Variants in PRR14L observed in about 807,000 individuals in gnomAD.
PRR14L encodes the protein protein PRR14L.
Under a neutral mutation model 155.0 loss-of-function variants are expected in PRR14L, and 80 were observed. The ratio of observed to expected loss-of-function variants is 0.52; its 90% CI spans 0.43 to 0.62. The LOEUF is 0.62. Among genes scored for constraint, PRR14L ranks in the 20% least tolerant of loss-of-function variants. PRR14L has a pLI of 0.00. For missense variants in PRR14L, 2,469 were observed against 2,548.0 expected, an observed-to-expected ratio of 0.97 and a Z score of 0.67; for synonymous variants, 883 against 916.0, an observed-to-expected ratio of 0.96 and a Z score of 0.65.
chr22:31,738,594 A>G lies in PRR14L; in HGVS notation c.267T>C (p.Pro89=). Residue 89 remains proline (P), a synonymous_variant, in exon 2 of 9, where the codon CCT becomes CCC. Coordinates refer to ENST00000327423, the MANE Select transcript of PRR14L (RefSeq NM_173566.3). Reference sequence around the variant, plus strand: ...TGGAGTCCACTAGCCCACATCGCCCAGGCTCACTCCCATGATCCAAGGTCT... The same window carrying G: ...TGGAGTCCACTAGCCCACATCGCCCGGGCTCACTCCCATGATCCAAGGTCT... ...TYETLDHGSE[P]GRCGLVDSTA... 6.4e-7 allele frequency: 1 copy of G among 1,552,040 alleles called. No individual in the cohort carries two copies. Among genetic ancestry groups the G allele is most frequent in the Admixed American group, 2.0e-5 (1 of 50,984 alleles).
chr22:31,697,799 G>GAA (rs1030760361), intron 7 of PRR14L, among the ~76,000 whole-genome samples: 86 of 152,268 alleles, frequency 5.6e-4, no homozygotes, highest in Admixed American at 1.0e-3. Flanking sequence ...CCAGGAAGTT[G>GAA]AAGTTGAAGC....
chr22:31,701,334 T>C (rs2074562271), intron 7 of PRR14L, among the ~76,000 whole-genome samples: 1 of 152,172 alleles, frequency 6.6e-6, no homozygotes, highest in South Asian at 2.1e-4. Context: ...TTTAGGTCCT[T>C]TTCCAGTTTA....
intron 1 of PRR14L, among the ~76,000 whole-genome samples, chr22:31,741,204 G>A (rs1021658681): frequency 7.4e-6 from 1 of 134,554 alleles, no homozygotes; most frequent in Non-Finnish European, 1.5e-5. Flanking sequence ...AGTGAGCCGA[G>A]ATTGCGCCAC....
Position 31,685,815 on chromosome 22 carries a change from G to T in PRR14L, c.6180-12C>A. ...TGGTCTCTAAACACCTAAGGATGAA[G>T]CACGAAACAATCACCAACAGACTGA... On this transcript the variant is annotated splice_polypyrimidine_tract_variant and intron_variant, in intron 8 of 8. Transcript: ENST00000327423. The T allele has an allele frequency of 2.6e-6, 4 of 1,549,616 alleles. No individual in the cohort carries two copies. Among genetic ancestry groups the T allele is most frequent in the Non-Finnish European group, 3.5e-6 (4 of 1,145,452 alleles).
chr22:31,744,867 G>A (rs1400527244), intron 1 of PRR14L, among the ~76,000 whole-genome samples: 1 of 152,122 alleles, frequency 6.6e-6, no homozygotes, highest in Non-Finnish European at 1.5e-5. Flanking sequence ...CACATAAAAT[G>A]GTTCACCTCT....
rs766802847 is a variant in PRR14L, at chr22:31,714,678, T to C, written c.3161A>G (p.Asp1054Gly). 1.3e-6 allele frequency: 2 copies of C among 1,552,332 alleles called. No individual in the cohort carries two copies. The highest frequency in any genetic ancestry group is 1.2e-5 in the South Asian group (1 of 84,062). ...ATTACTACAGTCCGTGTAGACGATG[T>C]CTACCATACCTTCTGTGGACTCATC... is the stretch of plus-strand genomic sequence containing the variant. ...GCDESTEGMVDIVYTDCSNKL... is the reference protein window; with the variant it reads ...GCDESTEGMVGIVYTDCSNKL... Residue 1054 changes from aspartate to glycine, a missense_variant, in exon 4 of 9, where the codon GAC becomes GGC. By Grantham distance (94) the Asp-to-Gly change is moderately conservative (BLOSUM62 -1). Transcript: ENST00000327423.
Position 31,712,728 on chromosome 22 carries a change from C to T in PRR14L, c.5111G>A (p.Ser1704Asn). The change falls in exon 4 of 9, where the codon AGC becomes AAC. Residue 1704 changes from serine to asparagine, a missense_variant. By Grantham distance (46) the Ser-to-Asn change is conservative. Around this residue, in one of 2 missense-constraint regions of PRR14L, gnomAD observed 2,363 missense variants for 2,371.6 expected, o/e 1.00. Coordinates refer to ENST00000327423, the MANE Select transcript of PRR14L (RefSeq NM_173566.3). Reference protein sequence around the residue: ...ESIKMTFIDLSNKMPSLLFGS... With the variant: ...ESIKMTFIDLNNKMPSLLFGS... ...AAACAGCAGGGACGGCATCTTGTTG[C>T]TCAAATCTATGAAGGTCATCTTGAT... 6.4e-7 allele frequency: 1 copy of T among 1,551,764 alleles called. No homozygotes were observed. The highest frequency in any genetic ancestry group is 8.7e-7 in the Non-Finnish European group (1 of 1,147,012).
chr22:31,707,650 G>A (rs1032007059), intron 4 of PRR14L, among the ~76,000 whole-genome samples: 1 of 152,032 alleles, frequency 6.6e-6, no homozygotes, highest in Non-Finnish European at 1.5e-5. Flanking sequence ...CTCCTAAAGT[G>A]CTGGGATTAC....
At chr22:31,738,292 G>C (rs896751867) in intron 2 of PRR14L, 95 bp downstream of exon 2, 1 of 1,058,700 alleles carries the variant, frequency 9.4e-7, no homozygotes, top group South Asian at 1.7e-5. Context: ...AATGTTTCAA[G>C]AATAAATCAT....
Position 31,701,718 on chromosome 22 carries a change from G to C in PRR14L, c.6045C>G (p.Ile2015Met). The change falls in exon 7 of 9, where the codon ATC becomes ATG. Residue 2015 changes from isoleucine (I) to methionine (M), a missense_variant. This residue lies in a region of PRR14L where 106 missense variants were observed against 176.4 expected (regional missense o/e 0.60). Transcript: ENST00000327423. ...KRPKKVSQIR[I>M]RKTIPRPDPN... ...GATCTGGCCTAGGAATGGTTTTCCG[G>C]ATGCGAATCTGTGAGACTTTCTTTG... 6.2e-7 allele frequency: 1 copy of C among 1,614,176 alleles called. No homozygotes were observed. The highest frequency in any genetic ancestry group is 8.5e-7 in the Non-Finnish European group (1 of 1,180,000).
At chr22:31,690,749 C>A (rs2074507107) in intron 7 of PRR14L, among the ~76,000 whole-genome samples, 1 of 150,592 alleles carries the variant, frequency 6.6e-6, no homozygotes, top group African/African-American at 2.4e-5. Context: ...TCAAGTGATT[C>A]TTCTGCCTCA....
intron 3 of PRR14L, among the ~76,000 whole-genome samples, chr22:31,720,767 C>T (rs905881739): frequency 7.9e-5 from 12 of 152,138 alleles, no homozygotes; most frequent in African/African-American, 2.9e-4. Flanking sequence ...AATAAACATC[C>T]AGTTCTCCAA....
At chr22:31,735,222 G>A (rs1003131026) in intron 2 of PRR14L, among the ~76,000 whole-genome samples, 1 of 152,010 alleles carries the variant, frequency 6.6e-6, no homozygotes, top group Non-Finnish European at 1.5e-5. Flanking sequence ...GGCGGATCAC[G>A]AAGTCAGGAG....
Position 31,703,551 on chromosome 22 carries a change from T to G in PRR14L, c.5999A>C (p.Glu2000Ala), listed in dbSNP as rs754731748. ...CPQSSPPEQK[E>A]AEPEKRPKKV... ...ACCCAACCAGCACTTTACACTTACC[T>G]CTTTCTGTTCTGGGGGGCTGCTCTG... Residue 2000 changes from glutamate to alanine, a missense_variant and splice_region_variant, in exon 6 of 9, where the codon GAG becomes GCG. By Grantham distance (107) the Glu-to-Ala change is moderately radical. This residue lies in a region of PRR14L where 2,363 missense variants were observed against 2,371.6 expected (regional missense o/e 1.00). Transcript: ENST00000327423. The G allele has an allele frequency of 1.2e-6, 2 of 1,612,420 alleles. No homozygotes were observed. Among genetic ancestry groups the G allele is most frequent in the Non-Finnish European group, 1.7e-6 (2 of 1,179,260 alleles).
chr22:31,700,194 G>A (rs1458069920), intron 7 of PRR14L, among the ~76,000 whole-genome samples: 1 of 152,124 alleles, frequency 6.6e-6, no homozygotes, highest in Non-Finnish European at 1.5e-5. Context: ...CTTGAAAGAA[G>A]TGGAAATAAT....
At position 31,715,625 on chromosome 22, in the gene PRR14L, T is replaced by A; in HGVS notation, c.2214A>T (p.Val738=). Residue 738 remains valine, a synonymous_variant, in exon 4 of 9, where the codon GTA becomes GTT. Transcript: ENST00000327423. The stretch of plus-strand genomic sequence containing the variant: ...CCATTTCCTTTTTTCTCTCTAGGCT[T>A]ACTGGTTTGATGTTTAAGGTGGGAC... ...SNCPTLNIKP[V]SLERKKEMAD... 6.4e-7 allele frequency: 1 copy of A among 1,552,172 alleles called. No individual in the cohort carries two copies. Among genetic ancestry groups the A allele is most frequent in the South Asian group, 1.2e-5 (1 of 84,066 alleles).
At chr22:31,691,125 G>A (rs571530567) in intron 7 of PRR14L, among the ~76,000 whole-genome samples, 9 of 150,462 alleles carry the variant, frequency 6.0e-5, no homozygotes, top group Middle Eastern at 3.6e-3. Flanking sequence ...CACCACGCGC[G>A]GCTAATTTTT....
At position 31,729,547 on chromosome 22, in the gene PRR14L, G is replaced by C. The variant is rs370772242; in HGVS notation, c.475-3937C>G. On this transcript the variant is annotated intron_variant, in intron 2 of 8. Transcript: ENST00000327423. Reference sequence around the variant, plus strand: ...ACAAGTTTTAATAACTTTGGGACACGATCCTAAGACAGGAAATTATTATTA... The same window carrying C: ...ACAAGTTTTAATAACTTTGGGACACCATCCTAAGACAGGAAATTATTATTA... Among the ~76,000 whole-genome samples, 7 of 152,252 alleles carry C rather than the reference G, an allele frequency of 4.6e-5. No individual in the cohort carries two copies. The South Asian group carries it at 6.2e-4, about 14-fold the overall frequency.
At position 31,715,693 on chromosome 22, in the gene PRR14L, T is replaced by A. The variant is rs1057287250; in HGVS notation, c.2146A>T (p.Ile716Phe). The change falls in exon 4 of 9, where the codon ATC becomes TTC. Residue 716 changes from isoleucine to phenylalanine, a missense_variant. Around this residue, in one of 2 missense-constraint regions of PRR14L, gnomAD observed 2,363 missense variants for 2,371.6 expected, o/e 1.00. Transcript: ENST00000327423. ...TIPIQTKIKD[I>F]SPPGNQTCGA... ...CAGGTTTGGTTACCTGGTGGAGAGA[T>A]GTCTTTTATTTTTGTCTGAATGGGA... 7 of 1,552,162 alleles carry A rather than the reference T, an allele frequency of 4.5e-6. No individual in the cohort carries two copies. The highest frequency in any genetic ancestry group is 8.7e-7 in the Non-Finnish European group (1 of 1,147,080).
Sources: gnomAD v4.1 joint callset for allele counts (sites outside exome capture counted in the v4.1 genomes callset) on GRCh38, gnomAD v4.1.1 for gene constraint, gnomAD v4.1.1 regional missense constraint, MANE v1.5 for transcripts, NCBI Gene and HGNC (gene_info 2026-07-23, HGNC 2026-07-21) for gene names.